The following KRT23 variants were observed in gnomAD, a reference collection of about 807,000 sequenced individuals.
KRT23 encodes keratin 23, also known as keratin, type I cytoskeletal 23.
Under a neutral mutation model 47.6 loss-of-function variants are expected in KRT23, and 38 were observed. The ratio of observed to expected loss-of-function variants is 0.80; its 90% CI spans 0.62 to 1.05. KRT23 has a LOEUF of 1.05. Ranked by LOEUF, KRT23 falls within the 50% of genes least tolerant of loss-of-function variation. The pLI is 0.00. For missense variants in KRT23, 503 were observed against 529.5 expected (o/e 0.95, Z 0.49); for synonymous variants, 191 against 199.0 (o/e 0.96, Z 0.34).
chr17:40,924,674 G>C (rs730928), intron 7 of KRT23, among the ~76,000 whole-genome samples, 171 bp from the exon 8 acceptor site: 12,912 of 152,142 alleles, frequency 0.085, 595 homozygotes, highest in South Asian at 0.16. Flanking sequence ...AACCCGTCTG[G>C]ATACAGAAGG....
chr17:40,929,831 A>G, intron 4 of KRT23, 109 bp downstream of exon 4: 1 of 890,556 alleles, frequency 1.1e-6, no homozygotes, highest in Non-Finnish European at 1.7e-6. Context: ...AGGGTGAAGG[A>G]CAAGGGGATT....
chr17:40,925,964 A>AT (rs1403366761), intron 6 of KRT23, among the ~76,000 whole-genome samples: 1 of 152,140 alleles, frequency 6.6e-6, no homozygotes, highest in African/African-American at 2.4e-5. Flanking sequence ...GTAATGAGTA[A>AT]TTTTTTAGTG....
rs1910107779 is a variant in KRT23 at position 40,936,703 on chromosome 17, G to C, written c.-100C>G. On this transcript the variant is annotated 5_prime_UTR_variant, in exon 2 of 9. Transcript: ENST00000209718. ...TGCCCTGGATGGTTTTATGGCCTTTGCTGTGGGAGTTCCCTTCTCTGACAA... is the reference window on the plus strand; with the variant it reads ...TGCCCTGGATGGTTTTATGGCCTTTCCTGTGGGAGTTCCCTTCTCTGACAA... The C allele has an allele frequency of 1.8e-6, 2 of 1,090,282 alleles. No individual in the cohort carries two copies. The highest frequency in any genetic ancestry group is 2.5e-6 in the Non-Finnish European group (2 of 801,402). 67.5% of individuals were successfully genotyped at this position (1,090,282 alleles called of 1,614,324 possible).
Position 40,922,916 on chromosome 17 carries a change from C to G in KRT23, c.*73G>C. 5.8e-6 allele frequency: 6 copies of G among 1,029,892 alleles called. 1 individual carries two copies. In the South Asian group the frequency reaches 7.9e-5, roughly 14 times the overall value. 63.8% of individuals were successfully genotyped at this position (1,029,892 alleles called of 1,614,324 possible). On this transcript the variant is annotated 3_prime_UTR_variant, in exon 9 of 9. Coordinates refer to ENST00000209718, the MANE Select transcript of KRT23 (RefSeq NM_015515.5). ...TTCCAAGGGTATCTTTTAGAACTCA[C>G]TCACTGGTGTCTGTGCAAGGACTTT...
At chr17:40,935,352 C>A (rs959355865) in intron 2 of KRT23, among the ~76,000 whole-genome samples, 9 of 152,100 alleles carry the variant, frequency 5.9e-5, no homozygotes, top group Non-Finnish European at 8.8e-5. Flanking sequence ...AGGGAATTTT[C>A]TGGGACTGCT....
Position 40,923,069 on chromosome 17 carries a change from T to G in KRT23, c.1189A>C (p.Lys397Gln). Residue 397 changes from lysine (K) to glutamine (Q), a missense_variant, in exon 9 of 9, where the codon AAG (lysine) becomes CAG (glutamine). Coordinates refer to ENST00000209718, the MANE Select transcript of KRT23 (RefSeq NM_015515.5). ...KSSMKVSATP[K>Q]IKAITQETIN... Reference sequence around the variant, plus strand: ...GTCTCCTGGGTTATGGCCTTGATCTTTGGAGTTGCAGACACTGAGAAAAAG... The same window carrying G: ...GTCTCCTGGGTTATGGCCTTGATCTGTGGAGTTGCAGACACTGAGAAAAAG... The G allele has an allele frequency of 6.2e-7, 1 of 1,613,332 alleles. No individual in the cohort carries two copies. Among genetic ancestry groups the G allele is most frequent in the Non-Finnish European group, 8.5e-7 (1 of 1,179,270 alleles).
intron 2 of KRT23, among the ~76,000 whole-genome samples, chr17:40,934,146 G>A (rs954169744): frequency 6.6e-6 from 1 of 152,184 alleles, no homozygotes; most frequent in African/African-American, 2.4e-5. Context: ...CGGGAGAACT[G>A]TATCCACTCA....
chr17:40,930,081 G>C lies in KRT23; in HGVS notation c.495C>G (p.His165Gln). The change falls in exon 4 of 9, where the codon CAC becomes CAG. Residue 165 changes from histidine (H) to glutamine (Q), a missense_variant. Transcript: ENST00000209718. ...CAATTTCCAAGTCTTTCTTAAAGGA[G>C]TGTTCATTTTCATACCTTTGGTGAG... ...DDFNLKYENE[H>Q]SFKKDLEIEV... 1 of 1,614,112 alleles carries C rather than the reference G, an allele frequency of 6.2e-7. No homozygotes were observed. The highest frequency in any genetic ancestry group is 8.5e-7 in the Non-Finnish European group (1 of 1,179,990).
At position 40,936,513 on chromosome 17, in the gene KRT23, CCCTGGGGAAGCTCCTGGGCCGGCCCCAG is replaced by C. The variant is rs769708519; in HGVS notation, c.63_90del (p.Trp22LeufsTer38). Reference sequence around the variant, plus strand: ...CCCGCACCGCCATGGACGGTGGGAGCCCTGGGGAAGCTCCTGGGCCGGCCCCAGCCACCTCCGGCGCCATGGAAGGAGG... The same window carrying C: ...CCCGCACCGCCATGGACGGTGGGAGCCCACCTCCGGCGCCATGGAAGGAGG... On this transcript the variant is annotated frameshift_variant, in exon 2 of 9. Transcript: ENST00000209718. LOFTEE classifies it high-confidence loss of function. 6.5e-7 allele frequency: 1 copy of C among 1,529,470 alleles called. No homozygotes were observed. The highest frequency in any genetic ancestry group is 8.8e-7 in the Non-Finnish European group (1 of 1,140,918). 94.7% of individuals were successfully genotyped at this position (1,529,470 alleles called of 1,614,324 possible). A position where few individuals can be genotyped will look rare whatever the true frequency, so the allele number is the denominator to read the frequency against.
intron 2 of KRT23, among the ~76,000 whole-genome samples, chr17:40,935,557 C>G (rs1445142814): frequency 6.6e-6 from 1 of 152,104 alleles, no homozygotes; most frequent in East Asian, 1.9e-4. Flanking sequence ...AAATTATGCT[C>G]ATTTTATTAT....
In KRT23 at chr17:40,933,486, A is replaced by G. The variant is rs192509107; in HGVS notation, c.397-2031T>C. Among the ~76,000 whole-genome samples, 214 of 152,198 alleles carry G rather than the reference A, an allele frequency of 1.4e-3. 1 individual carries two copies. Among genetic ancestry groups the G allele is most frequent in the African/African-American group, 4.8e-3 (200 of 41,476 alleles). ...GTAACCCTTACTTACTTGTGCACTG[A>G]GGTTTTCTATTTGACACACACTATG... On this transcript the variant is annotated intron_variant, in intron 2 of 8. Transcript: ENST00000209718.
chr17:40,924,702 T>G (rs1047778903), intron 7 of KRT23, among the ~76,000 whole-genome samples, 199 bp from the exon 8 acceptor site: 5 of 152,196 alleles, frequency 3.3e-5, no homozygotes, highest in Non-Finnish European at 5.9e-5. Flanking sequence ...TACCGCCTCC[T>G]GCTAACCCTG....
intron 4 of KRT23, 35 bp from the exon 5 acceptor site, chr17:40,928,642 T>C: frequency 6.3e-7 from 1 of 1,592,712 alleles, no homozygotes; most frequent in Non-Finnish European, 8.5e-7. Context: ...TGAACCGGCT[T>C]TGACAATCAG....
In KRT23 at chr17:40,936,668, C is replaced by A; in HGVS notation, c.-65G>T. On this transcript the variant is annotated 5_prime_UTR_variant, in exon 2 of 9. Coordinates refer to ENST00000209718, the MANE Select transcript of KRT23 (RefSeq NM_015515.5). ...ACTCCCTGGCACCGCAGAACTGAGC[C>A]GCCCCAGACTGCCCTGGATGGTTTT... 1 of 1,429,882 alleles carries A rather than the reference C, an allele frequency of 7.0e-7. No homozygotes were observed. Among genetic ancestry groups the A allele is most frequent in the African/African-American group, 1.4e-5 (1 of 69,752 alleles). 88.6% of individuals were successfully genotyped at this position (1,429,882 alleles called of 1,614,324 possible).
At chr17:40,930,776 TAAATAAA>T (rs1909608865) in intron 3 of KRT23, among the ~76,000 whole-genome samples, 1 of 27,742 alleles carries the variant, frequency 3.6e-5, no homozygotes, top group South Asian at 2.6e-3. Context: ...AATAAACAAA[TAAATAAA>T]TAAATAAATA....
chr17:40,928,540 TC>T lies in KRT23; in HGVS notation c.703del (p.Glu235LysfsTer3), dbSNP rs1295745970. The T allele has an allele frequency of 1.2e-6, 2 of 1,613,898 alleles. No individual in the cohort carries two copies. Among genetic ancestry groups the T allele is most frequent in the Non-Finnish European group, 1.7e-6 (2 of 1,179,844 alleles). ...VNVKVDTGPR[E>X]DLIKVLEDMR... ...ATCCTCCAGGACCTTAATCAGATCT[TC>T]CCTGGGACCTGTATCCACCTTCACA... On this transcript the variant is annotated frameshift_variant, in exon 5 of 9. Coordinates refer to ENST00000209718, the MANE Select transcript of KRT23 (RefSeq NM_015515.5). LOFTEE classifies it high-confidence loss of function.
At chr17:40,927,104 A>T (rs1909269935) in intron 6 of KRT23, among the ~76,000 whole-genome samples, 1 of 152,116 alleles carries the variant, frequency 6.6e-6, no homozygotes. Context: ...ACCTTTCCTG[A>T]CCACCTTGTT....
chr17:40,930,349 C>T (rs945465143), intron 3 of KRT23, among the ~76,000 whole-genome samples: 2 of 152,114 alleles, frequency 1.3e-5, no homozygotes, highest in Non-Finnish European at 2.9e-5. Context: ...ATTTAGCAAC[C>T]ATGAATGTTT....
At position 40,928,649 on chromosome 17, in the gene KRT23, T is replaced by A. The variant is rs140749518; in HGVS notation, c.637-42A>T. On this transcript the variant is annotated intron_variant, in intron 4 of 8. Coordinates refer to ENST00000209718, the MANE Select transcript of KRT23 (RefSeq NM_015515.5). ...AAAGGAAATGAACCGGCTTTGACAA[T>A]CAGAAGGCTGGATTGCCATGTTGAT... is the stretch of plus-strand genomic sequence containing the variant. 1.1e-3 allele frequency: 1,701 copies of A among 1,578,610 alleles called. 20 individuals carry two copies. In the African/African-American group the frequency reaches 0.021, roughly 20 times the overall value.
Sources: allele counts gnomAD v4.1 joint callset (sites outside exome capture counted in the v4.1 genomes callset), GRCh38; gene constraint gnomAD v4.1.1; transcripts MANE v1.5; gene names NCBI Gene and HGNC (gene_info 2026-07-23, HGNC 2026-07-21).